Variants in LTBP1 observed in about 807,000 individuals in gnomAD.
LTBP1 encodes the protein latent transforming growth factor beta binding protein 1, also known as latent-transforming growth factor beta-binding protein 1.
LTBP1 carries 129 observed loss-of-function variants against 207.6 expected under a neutral mutation model. That is an observed-to-expected ratio of 0.62 (90% CI 0.54 to 0.72). The LOEUF (loss-of-function observed/expected upper bound fraction) is 0.72, where lower values mean the gene tolerates loss of function less well. Among genes scored for constraint, LTBP1 ranks in the 30% least tolerant of loss-of-function variants. The probability of loss-of-function intolerance (pLI) is 0.00; values close to 1 mark genes in which losing one functional copy is unlikely to be tolerated. For synonymous variants in LTBP1, 963 were observed against 833.7 expected, an observed-to-expected ratio of 1.16 and a Z score of -2.67; for missense variants, 2,281 against 2,217.2, an observed-to-expected ratio of 1.03 and a Z score of -0.58.
rs1288875569 is a variant in LTBP1 at position 33,137,118 on chromosome 2, T to TA, written c.1201+2159dup. ...TTAAGAATGGTAATTTTATAGAACT[T>TA]ATAGACTGTGATCCTTTGAAAATAC... On this transcript the variant is annotated intron_variant, in intron 5 of 33. Coordinates refer to ENST00000404816, the MANE Select transcript of LTBP1 (RefSeq NM_206943.4). Among the ~76,000 whole-genome samples the TA allele has an allele frequency of 7.9e-5, 12 of 152,216 alleles. No homozygotes were observed. The East Asian group carries it at 2.3e-3, about 29-fold the overall frequency.
chr2:33,392,402 G>T (rs2095322754), intron 32 of LTBP1, among the ~76,000 whole-genome samples: 1 of 152,102 alleles, frequency 6.6e-6, no homozygotes, highest in African/African-American at 2.4e-5. Flanking sequence ...GGCCAGGGTG[G>T]TCTTGAACTC....
chr2:33,385,472 G>A (rs1006340407), intron 31 of LTBP1, among the ~76,000 whole-genome samples: 20 of 152,146 alleles, frequency 1.3e-4, no homozygotes, highest in African/African-American at 4.6e-4. Context: ...GAAAAAATTG[G>A]ATTCTCCATT....
At chr2:32,982,925 T>A (rs886080925) in intron 2 of LTBP1, among the ~76,000 whole-genome samples, 2 of 152,118 alleles carry the variant, frequency 1.3e-5, no homozygotes, top group African/African-American at 4.8e-5. Flanking sequence ...AAATGTGGGG[T>A]TGGAGCCCCC....
intron 24 of LTBP1, among the ~76,000 whole-genome samples, chr2:33,341,742 A>ATATATATG (rs1314521586): frequency 2.1e-5 from 3 of 145,202 alleles, no homozygotes; most frequent in Non-Finnish European, 3.0e-5. Context: ...ATATATATAT[A>ATATATATG]TATGTATATT....
At chr2:33,259,870 A>G (rs1444884583) in intron 13 of LTBP1, among the ~76,000 whole-genome samples, 4 of 152,212 alleles carry the variant, frequency 2.6e-5, no homozygotes, top group Non-Finnish European at 4.4e-5. Context: ...AATTCTCGTG[A>G]GAAGAAAATG....
intron 31 of LTBP1, among the ~76,000 whole-genome samples, chr2:33,386,173 T>C (rs1198972155): frequency 6.6e-6 from 1 of 152,200 alleles, no homozygotes; most frequent in African/African-American, 2.4e-5. Flanking sequence ...TAAAAACTAA[T>C]CCAAAATTCT....
intron 5 of LTBP1, among the ~76,000 whole-genome samples, chr2:33,160,733 A>T (rs1488831498): frequency 6.6e-6 from 1 of 152,178 alleles, no homozygotes; most frequent in Non-Finnish European, 1.5e-5. Flanking sequence ...ATTACTGGTC[A>T]TTGTGGTTCT....
intron 2 of LTBP1, among the ~76,000 whole-genome samples, chr2:32,949,862 C>T (rs41396246): frequency 0.04 from 6,044 of 152,248 alleles, 184 homozygotes; most frequent in Non-Finnish European, 0.067. Flanking sequence ...AAAATGTCTT[C>T]AATCCTGAAG....
Position 32,996,916 on chromosome 2 carries a change from G to A in LTBP1, c.566-23993G>A, listed in dbSNP as rs370645125. Among the ~76,000 whole-genome samples, 2 of 152,036 alleles carry A rather than the reference G, an allele frequency of 1.3e-5. 1 individual carries two copies. The highest frequency in any genetic ancestry group is 4.2e-4 in the South Asian group (2 of 4,812). On this transcript the variant is annotated intron_variant, in intron 2 of 33. Transcript: ENST00000404816. The stretch of plus-strand genomic sequence containing the variant: ...TTGTTTTGTTTTGAGACAGAGTCTC[G>A]CTCTGTCGCCCAGGCTGGAGTGCTG...
intron 24 of LTBP1, among the ~76,000 whole-genome samples, chr2:33,317,341 G>A (rs572032197): frequency 6.6e-6 from 1 of 152,166 alleles, no homozygotes; most frequent in Non-Finnish European, 1.5e-5. Flanking sequence ...AGAATATTAT[G>A]TTGGTATTAT....
intron 4 of LTBP1, among the ~76,000 whole-genome samples, chr2:33,118,735 A>G (rs188184901): frequency 2.0e-5 from 3 of 152,322 alleles, no homozygotes; most frequent in African/African-American, 7.2e-5. Context: ...TATTGCAAAG[A>G]AAAGTTCATG....
intron 5 of LTBP1, among the ~76,000 whole-genome samples, chr2:33,162,760 T>G (rs2148168831): frequency 6.6e-6 from 1 of 152,332 alleles, no homozygotes; most frequent in South Asian, 2.1e-4. Flanking sequence ...TCTTGTTCTT[T>G]TCGTTAAAGG....
At chr2:33,265,297 A>G (rs1447426110) in intron 15 of LTBP1, among the ~76,000 whole-genome samples, 1 of 152,226 alleles carries the variant, frequency 6.6e-6, no homozygotes, top group African/African-American at 2.4e-5. Context: ...ATGTATAAAA[A>G]ACTTCAGAAC....
At chr2:33,173,579 A>G (rs2085695649) in intron 5 of LTBP1, among the ~76,000 whole-genome samples, 1 of 151,834 alleles carries the variant, frequency 6.6e-6, no homozygotes, top group Non-Finnish European at 1.5e-5. Context: ...CAGAGGTACA[A>G]GGAGGAACTG....
At chr2:33,250,696 G>A (rs1212499415) in intron 10 of LTBP1, among the ~76,000 whole-genome samples, 3 of 152,172 alleles carry the variant, frequency 2.0e-5, no homozygotes, top group Non-Finnish European at 2.9e-5. Context: ...TGATGGAATT[G>A]CTGCCGAGAG....
At chr2:32,964,397 C>CTT (rs1679623578) in intron 2 of LTBP1, among the ~76,000 whole-genome samples, 2 of 152,130 alleles carry the variant, frequency 1.3e-5, no homozygotes, top group African/African-American at 4.8e-5. Flanking sequence ...AATGCAAAGA[C>CTT]ATGTCACTTG....
intron 23 of LTBP1, among the ~76,000 whole-genome samples, chr2:33,311,108 A>G (rs1256962258): frequency 6.6e-6 from 1 of 151,924 alleles, no homozygotes; most frequent in African/African-American, 2.4e-5. Flanking sequence ...GTAGGAGAAG[A>G]TGGTATCTAC....
At chr2:33,043,135 G>A (rs2076273010) in intron 3 of LTBP1, among the ~76,000 whole-genome samples, 1 of 152,196 alleles carries the variant, frequency 6.6e-6, no homozygotes. Flanking sequence ...ATTCACTACA[G>A]TGATGGCACA....
At chr2:33,165,036 C>T (rs560510960) in intron 5 of LTBP1, among the ~76,000 whole-genome samples, 4 of 152,240 alleles carry the variant, frequency 2.6e-5, no homozygotes, top group African/African-American at 9.6e-5. Flanking sequence ...AGGAGGATGG[C>T]ATGTGCGTTA....
Sources: gnomAD v4.1 joint callset for allele counts (sites outside exome capture counted in the v4.1 genomes callset) on GRCh38, gnomAD v4.1.1 for gene constraint, MANE v1.5 for transcripts, NCBI Gene and HGNC (gene_info 2026-07-23, HGNC 2026-07-21) for gene names.